The following GALNT13 variants were observed in gnomAD, a reference collection of about 807,000 sequenced individuals.
GALNT13 encodes UDP-GalNAc:polypeptide N-acetylgalactosaminyltransferase 13.
A neutral mutation model predicts 64.2 loss-of-function variants in GALNT13; 28 were observed. The observed-to-expected ratio is 0.44, with a 90% confidence interval of 0.32 to 0.60. The LOEUF (loss-of-function observed/expected upper bound fraction) is 0.60. Ranked by LOEUF, GALNT13 falls within the 20% of genes least tolerant of loss-of-function variation. The pLI, the probability that GALNT13 is intolerant of heterozygous loss-of-function variation, is 0.05. For missense variants in GALNT13, 577 were observed against 669.8 expected, an observed-to-expected ratio of 0.86 and a Z score of 1.53; for synonymous variants, 214 against 224.6, an observed-to-expected ratio of 0.95 and a Z score of 0.42.
In GALNT13 at chr2:154,252,724, A is replaced by AAGATAGATAGAT. The variant is rs70983713; in HGVS notation, c.858-6251_858-6240dup. On this transcript the variant is annotated intron_variant, in intron 7 of 12. Coordinates refer to ENST00000392825, the MANE Select transcript of GALNT13 (RefSeq NM_052917.4). ...TATAAGGTATATGGACGAATGGAAA[A>AAGATAGATAGAT]AGATAGATAGATAGATAGATAGATA... Among the ~76,000 whole-genome samples, 128 of 146,848 alleles carry AAGATAGATAGAT rather than the reference A, an allele frequency of 8.7e-4. 1 individual carries two copies. Among genetic ancestry groups the AAGATAGATAGAT allele is most frequent in the South Asian group, 8.8e-4 (4 of 4,560 alleles).
chr2:153,110,221 G>A, the GALNT13 span, among the ~76,000 whole-genome samples: 1 of 152,090 alleles, frequency 6.6e-6, no homozygotes, highest in Admixed American at 6.6e-5. Context: ...TGGTTGGAAT[G>A]TAGCCCTCCA....
At chr2:153,502,039 G>A in the GALNT13 span, among the ~76,000 whole-genome samples, 1 of 151,934 alleles carries the variant, frequency 6.6e-6, no homozygotes, top group African/African-American at 2.4e-5. Context: ...AGTAAGAAAA[G>A]TTAAAAAAAA....
the GALNT13 span, among the ~76,000 whole-genome samples, chr2:153,675,617 A>C: frequency 6.6e-6 from 1 of 152,116 alleles, no homozygotes; most frequent in Non-Finnish European, 1.5e-5. Context: ...GGGTGCAGCA[A>C]ACCAACATGG....
intron 11 of GALNT13, among the ~76,000 whole-genome samples, chr2:154,431,872 C>T (rs1301189561): frequency 2.6e-5 from 4 of 152,218 alleles, no homozygotes; most frequent in Admixed American, 2.6e-4. Flanking sequence ...TGTGCCTTTG[C>T]TCCTCCTTCA....
At chr2:154,020,350 C>T (rs1697359700) in intron 3 of GALNT13, among the ~76,000 whole-genome samples, 1 of 152,188 alleles carries the variant, frequency 6.6e-6, no homozygotes, top group African/African-American at 2.4e-5. Context: ...TCCACATCCT[C>T]TCCAGCACCT....
chr2:154,122,836 A>G (rs980901526), intron 3 of GALNT13, among the ~76,000 whole-genome samples: 12 of 152,030 alleles, frequency 7.9e-5, no homozygotes, highest in African/African-American at 2.4e-4. Context: ...AAGTAGTGCA[A>G]GAAACACTAA....
chr2:154,419,398 T>G (rs1175407737), intron 11 of GALNT13, among the ~76,000 whole-genome samples: 2 of 152,188 alleles, frequency 1.3e-5, no homozygotes, highest in African/African-American at 4.8e-5. Context: ...TGAAAACTAG[T>G]ATTGGCTGTT....
At chr2:153,240,295 A>T in the GALNT13 span, among the ~76,000 whole-genome samples, 5 of 151,390 alleles carry the variant, frequency 3.3e-5, no homozygotes, top group Admixed American at 1.3e-4. Context: ...TAATAATAAA[A>T]CTCCAGTCTC....
At chr2:154,054,007 A>G (rs557107168) in intron 3 of GALNT13, among the ~76,000 whole-genome samples, 1 of 152,244 alleles carries the variant, frequency 6.6e-6, no homozygotes, top group Admixed American at 6.5e-5. Context: ...CCTTTTGCCT[A>G]AGGAAATCTA....
the GALNT13 span, among the ~76,000 whole-genome samples, chr2:153,672,927 C>T: frequency 3.7e-4 from 56 of 152,218 alleles, no homozygotes; most frequent in African/African-American, 8.7e-4. Flanking sequence ...ATACTATAAA[C>T]GGCTCTATGC....
intron 3 of GALNT13, among the ~76,000 whole-genome samples, chr2:154,118,750 A>G (rs1681759286): frequency 6.6e-6 from 1 of 151,858 alleles, no homozygotes; most frequent in African/African-American, 2.4e-5. Flanking sequence ...TTTTATTACC[A>G]TGTTGTTTAC....
At chr2:153,318,823 T>C in the GALNT13 span, among the ~76,000 whole-genome samples, 1 of 152,340 alleles carries the variant, frequency 6.6e-6, no homozygotes, top group East Asian at 1.9e-4. Flanking sequence ...GATATGGCTA[T>C]GTAGTAAAAT....
At chr2:153,943,267 T>A (rs1644281729) in intron 2 of GALNT13, among the ~76,000 whole-genome samples, 1 of 152,134 alleles carries the variant, frequency 6.6e-6, no homozygotes, top group South Asian at 2.1e-4. Context: ...CTTTAAATTC[T>A]TGCTCTGATT....
the GALNT13 span, among the ~76,000 whole-genome samples, chr2:153,559,223 G>A: frequency 6.6e-6 from 1 of 152,138 alleles, no homozygotes; most frequent in Non-Finnish European, 1.5e-5. Context: ...TGTATTGAAA[G>A]TTTTCTAATT....
chr2:153,338,218 A>G, the GALNT13 span, among the ~76,000 whole-genome samples: 3 of 152,154 alleles, frequency 2.0e-5, no homozygotes, highest in African/African-American at 7.2e-5. Context: ...AACTGAGCCC[A>G]GAAGATTGAG....
the GALNT13 span, among the ~76,000 whole-genome samples, chr2:153,069,942 A>G: frequency 6.6e-6 from 1 of 152,084 alleles, no homozygotes; most frequent in African/African-American, 2.4e-5. Flanking sequence ...ATATTTGAAA[A>G]TTCTATCTAG....
At chr2:153,241,191 C>T in the GALNT13 span, among the ~76,000 whole-genome samples, 2 of 152,096 alleles carry the variant, frequency 1.3e-5, no homozygotes, top group Admixed American at 1.3e-4. Context: ...TGATCACATT[C>T]GGTGAGCTCT....
Position 154,149,320 on chromosome 2 carries a change from C to G in GALNT13, c.311+8815C>G, listed in dbSNP as rs545619595. On this transcript the variant is annotated intron_variant, in intron 4 of 12. Coordinates refer to ENST00000392825, the MANE Select transcript of GALNT13 (RefSeq NM_052917.4). ...TTTGATACCAGTACCATGCTGTTTT[C>G]GTTACAGTAGCCTTGTAGTATAGTT... is the stretch of plus-strand genomic sequence containing the variant. Among the ~76,000 whole-genome samples, 60 of 152,048 alleles carry G rather than the reference C, an allele frequency of 3.9e-4. 1 individual carries two copies. In the South Asian group the frequency reaches 5.6e-3, roughly 14 times the overall value.
At chr2:153,808,176 T>G in the GALNT13 span, among the ~76,000 whole-genome samples, 12 of 152,290 alleles carry the variant, frequency 7.9e-5, no homozygotes, top group South Asian at 2.1e-4. Context: ...TGGCAGCTTT[T>G]GGGGGCTTTC....
Sources: allele counts gnomAD v4.1 joint callset (sites outside exome capture counted in the v4.1 genomes callset), GRCh38; gene constraint gnomAD v4.1.1; transcripts MANE v1.5; gene names NCBI Gene and HGNC (gene_info 2026-07-23, HGNC 2026-07-21).